The following DIPK2A variants were observed in gnomAD, a reference collection of about 807,000 sequenced individuals.
DIPK2A encodes divergent protein kinase domain 2A.
In DIPK2A, 27 loss-of-function variants were observed where a neutral mutation model predicts 39.0. The ratio of observed to expected loss-of-function variants is 0.69; its 90% CI spans 0.51 to 0.96. The LOEUF (loss-of-function observed/expected upper bound fraction) is 0.96, where lower values mean the gene tolerates loss of function less well. DIPK2A is among the 40% of genes least tolerant of loss of function. DIPK2A has a pLI of 0.00. For synonymous variants in DIPK2A, 298 were observed against 240.8 expected (o/e 1.24, Z -2.20); for missense variants, 528 against 571.3 (o/e 0.92, Z 0.77).
chr3:143,984,229 C>T (rs915877099), intron 1 of DIPK2A, among the ~76,000 whole-genome samples: 1 of 152,120 alleles, frequency 6.6e-6, no homozygotes, highest in Admixed American at 6.5e-5. Flanking sequence ...GTTTTGCTTT[C>T]TTAACATTTG....
At chr3:143,978,351 G>A (rs958147610) in intron 1 of DIPK2A, 4 of 152,194 alleles carry the variant, frequency 2.6e-5, no homozygotes, top group African/African-American at 9.7e-5. Context: ...ATTAGTGTAA[G>A]GTGAGGTTAG....
intron 1 of DIPK2A, among the ~76,000 whole-genome samples, chr3:143,984,720 T>G (rs1405130816): frequency 6.6e-6 from 1 of 152,100 alleles, no homozygotes; most frequent in Non-Finnish European, 1.5e-5. Flanking sequence ...ATCCTGCCAG[T>G]AGTTTTAAAA....
chr3:143,977,010 A>G (rs933927512), intron 1 of DIPK2A, among the ~76,000 whole-genome samples: 1 of 152,064 alleles, frequency 6.6e-6, no homozygotes, highest in African/African-American at 2.4e-5. Flanking sequence ...GTGATTTTGA[A>G]TATCAACCAT....
chr3:143,973,636 T>A, intron 1 of DIPK2A: 1 of 1,235,522 alleles, frequency 8.1e-7, no homozygotes, highest in Non-Finnish European at 1.2e-6. Context: ...AGCGTTGGAC[T>A]TGGGGCTGGG....
intron 1 of DIPK2A, chr3:143,978,616 CTATA>C (rs59804208): frequency 7.9e-6 from 1 of 126,124 alleles, no homozygotes; most frequent in African/African-American, 2.9e-5. Context: ...ATATATATAT[CTATA>C]TCTATATATA....
At chr3:143,978,660 CTATATATAGA>C (rs1305421644) in intron 1 of DIPK2A, 2 of 76,048 alleles carry the variant, frequency 2.6e-5, no homozygotes, top group African/African-American at 1.0e-4. Flanking sequence ...ATATATATAT[CTATATATAGA>C]TATATATATA....
At chr3:143,985,507 A>G (rs1312597160) in intron 1 of DIPK2A, 36 bp from the exon 2 acceptor site, 2 of 1,558,970 alleles carry the variant, frequency 1.3e-6, no homozygotes, top group Admixed American at 1.7e-5. Flanking sequence ...TATTTTCATC[A>G]GAATCTCTTG....
chr3:143,985,707 T>A lies in DIPK2A; in HGVS notation c.822T>A (p.Leu274=), dbSNP rs1229331402. The change falls in exon 2 of 3, where the codon CTT becomes CTA. Residue 274 remains leucine (L), a synonymous_variant. Transcript: ENST00000315691. ...AWQLMEIAEQ[L]TNNDFEFALY... The stretch of plus-strand genomic sequence containing the variant: ...AATTAATGGAAATAGCAGAACAGCT[T>A]ACAAACAATGACTTTGAATTTGCAC... 1.9e-6 allele frequency: 3 copies of A among 1,614,184 alleles called. No individual in the cohort carries two copies. The highest frequency in any genetic ancestry group is 2.5e-6 in the Non-Finnish European group (3 of 1,180,020).
chr3:143,986,932 T>A (rs1450108166), intron 2 of DIPK2A, among the ~76,000 whole-genome samples: 1 of 152,078 alleles, frequency 6.6e-6, no homozygotes, highest in East Asian at 1.9e-4. Context: ...GGCTGAAAAT[T>A]TACGGCACCT....
intron 1 of DIPK2A, among the ~76,000 whole-genome samples, chr3:143,983,837 T>G (rs1338569107): frequency 2.1e-5 from 3 of 144,642 alleles, no homozygotes; most frequent in African/African-American, 8.7e-5. Flanking sequence ...TTGGGAAGGC[T>G]GTTTCATCTA....
Position 143,989,571 on chromosome 3 carries a change from T to G in DIPK2A, c.1023T>G (p.Ala341=), listed in dbSNP as rs371924924. The change falls in exon 3 of 3, where the codon GCT becomes GCG. Residue 341 remains alanine, a synonymous_variant. Coordinates refer to ENST00000315691, the MANE Select transcript of DIPK2A (RefSeq NM_173552.5). The part of the protein sequence containing the change: ...ESKFDDCDKE[A]CLSFSKEILC... ...AGTTTGATGACTGTGATAAGGAGGC[T>G]TGCTTATCATTTTCAAAAGAAATTC... The G allele has an allele frequency of 3.6e-5, 58 of 1,614,116 alleles. No individual in the cohort carries two copies. Among genetic ancestry groups the G allele is most frequent in the Non-Finnish European group, 4.7e-5 (55 of 1,180,014 alleles).
At chr3:143,987,985 T>C (rs2087929403) in intron 2 of DIPK2A, among the ~76,000 whole-genome samples, 2 of 152,220 alleles carry the variant, frequency 1.3e-5, no homozygotes, top group South Asian at 4.1e-4. Context: ...AACATTAACT[T>C]ACTACTCCTT....
At chr3:143,982,601 C>A (rs75312732) in intron 1 of DIPK2A, among the ~76,000 whole-genome samples, 266 of 152,070 alleles carry the variant, frequency 1.7e-3, no homozygotes, top group African/African-American at 6.1e-3. Context: ...TGAAGGAAGC[C>A]CTGAATATGG....
At chr3:143,984,657 G>A (rs2087873141) in intron 1 of DIPK2A, among the ~76,000 whole-genome samples, 1 of 148,356 alleles carries the variant, frequency 6.7e-6, no homozygotes, top group Admixed American at 6.7e-5. Flanking sequence ...TACTTAAGGT[G>A]AAAATGAGTG....
intron 1 of DIPK2A, among the ~76,000 whole-genome samples, chr3:143,984,215 G>C (rs557225043): frequency 3.3e-5 from 5 of 152,312 alleles, no homozygotes; most frequent in Admixed American, 3.3e-4. Flanking sequence ...TTAGCAGTAA[G>C]GCTGTTTTGC....
At chr3:143,975,837 A>C (rs924406665) in intron 1 of DIPK2A, among the ~76,000 whole-genome samples, 5 of 152,116 alleles carry the variant, frequency 3.3e-5, no homozygotes, top group Admixed American at 6.5e-5. Flanking sequence ...TAACAACTTC[A>C]GGGAAAAAAA....
chr3:143,989,592 A>G lies in DIPK2A; in HGVS notation c.1044A>G (p.Glu348=). 1 of 1,614,220 alleles carries G rather than the reference A, an allele frequency of 6.2e-7. No individual in the cohort carries two copies. Residue 348 remains glutamate, a synonymous_variant, in exon 3 of 3, where the codon GAA becomes GAG. Transcript: ENST00000315691. ...AGGCTTGCTTATCATTTTCAAAAGA[A>G]ATTCTTTGTGCTCGTGCCACTGTGG... ...DKEACLSFSK[E]ILCARATVDH...
In DIPK2A at chr3:143,991,839, A is replaced by G. The variant is rs2087993311; in HGVS notation, c.*1998A>G. ...ATAAGTTTTCATTATAAACCTTATA[A>G]TACCAGTCACAAAGAGGTTGTCTGT... On this transcript the variant is annotated 3_prime_UTR_variant, in exon 3 of 3. Transcript: ENST00000315691. 1 of 152,162 alleles carries G rather than the reference A, an allele frequency of 6.6e-6. No individual in the cohort carries two copies. Among genetic ancestry groups the G allele is most frequent in the Admixed American group, 6.5e-5 (1 of 15,280 alleles). The allele number at this position is 152,162 out of a possible 1,614,324, so 9.4% of individuals were successfully genotyped here.
intron 1 of DIPK2A, among the ~76,000 whole-genome samples, chr3:143,979,278 A>C (rs1217250764): frequency 6.6e-6 from 1 of 152,178 alleles, no homozygotes; most frequent in Non-Finnish European, 1.5e-5. Context: ...AGTGTAATGA[A>C]TAGAATGAAT....
Sources: allele counts gnomAD v4.1 joint callset (sites outside exome capture counted in the v4.1 genomes callset), GRCh38; gene constraint gnomAD v4.1.1; transcripts MANE v1.5; gene names NCBI Gene and HGNC (gene_info 2026-07-23, HGNC 2026-07-21).